MECOM: variants seen among roughly 807,000 people sequenced by gnomAD.
MECOM encodes MDS1 and EVI1 complex locus, also known as histone-lysine N-methyltransferase MECOM.
Under a neutral mutation model 116.3 loss-of-function variants are expected in MECOM, and 13 were observed. The observed-to-expected ratio is 0.11, with a 90% CI of 0.07 to 0.18. The LOEUF (loss-of-function observed/expected upper bound fraction) is 0.18. Among genes scored for constraint, MECOM ranks in the 10% least tolerant of loss-of-function variants. The probability of loss-of-function intolerance (pLI) is 1.00; values close to 1 mark genes in which losing one functional copy is unlikely to be tolerated. For missense variants in MECOM, 1,299 were observed against 1,509.0 expected (o/e 0.86, Z 2.31); for synonymous variants, 528 against 535.2 (o/e 0.99, Z 0.19).
chr3:169,575,216 G>A (rs762727582), intron 1 of MECOM, among the ~76,000 whole-genome samples: 5 of 152,054 alleles, frequency 3.3e-5, no homozygotes, highest in South Asian at 2.1e-4. Flanking sequence ...AGAAAGCTTC[G>A]CCTTAAATAT....
intron 3 of MECOM, among the ~76,000 whole-genome samples, chr3:169,140,607 G>A (rs889255897): frequency 5.3e-5 from 8 of 151,662 alleles, no homozygotes; most frequent in Middle Eastern, 3.2e-3. Context: ...TGAAAGAGAC[G>A]TCTAAAATCA....
intron 2 of MECOM, among the ~76,000 whole-genome samples, chr3:169,336,783 A>T (rs1723643961): frequency 6.6e-6 from 1 of 152,152 alleles, no homozygotes; most frequent in Admixed American, 6.6e-5. Context: ...ATCAAGCATT[A>T]CCACTAGAAT....
At chr3:169,563,499 A>T (rs964222380) in intron 1 of MECOM, among the ~76,000 whole-genome samples, 1 of 152,180 alleles carries the variant, frequency 6.6e-6, no homozygotes, top group Non-Finnish European at 1.5e-5. Context: ...AAGCCCAACC[A>T]GCCTGAAATG....
intron 1 of MECOM, among the ~76,000 whole-genome samples, chr3:169,511,861 T>C (rs1756012213): frequency 6.6e-6 from 1 of 152,206 alleles, no homozygotes; most frequent in Non-Finnish European, 1.5e-5. Flanking sequence ...ATTTCTATAA[T>C]TTCCCCCATC....
At chr3:169,479,893 C>CA (rs1751034484) in intron 1 of MECOM, among the ~76,000 whole-genome samples, 1 of 152,172 alleles carries the variant, frequency 6.6e-6, no homozygotes, top group African/African-American at 2.4e-5. Flanking sequence ...TTAATACTCA[C>CA]AAAAATGTTA....
At chr3:169,307,633 A>G (rs1166469602) in intron 2 of MECOM, among the ~76,000 whole-genome samples, 2 of 152,230 alleles carry the variant, frequency 1.3e-5, no homozygotes, top group Non-Finnish European at 2.9e-5. Context: ...TTATAAGTGT[A>G]AATGGCCTCC....
intron 2 of MECOM, among the ~76,000 whole-genome samples, chr3:169,327,121 A>G (rs757299073): frequency 2.6e-5 from 4 of 152,232 alleles, no homozygotes; most frequent in Non-Finnish European, 4.4e-5. Flanking sequence ...AAGGCTTGCC[A>G]AATAGCCACA....
chr3:169,620,455 T>C (rs1188268834), intron 1 of MECOM, among the ~76,000 whole-genome samples: 2 of 152,236 alleles, frequency 1.3e-5, no homozygotes, highest in Non-Finnish European at 2.9e-5. Context: ...TGCTCTTTCA[T>C]TTTAGTCATC....
chr3:169,288,128 G>T (rs574885201), intron 2 of MECOM, among the ~76,000 whole-genome samples: 4 of 151,512 alleles, frequency 2.6e-5, no homozygotes, highest in Non-Finnish European at 4.4e-5. Flanking sequence ...TGGGTTCAGA[G>T]AATACAAATG....
At chr3:169,221,735 A>G (rs1033453591) in intron 2 of MECOM, among the ~76,000 whole-genome samples, 1 of 152,158 alleles carries the variant, frequency 6.6e-6, no homozygotes, top group Non-Finnish European at 1.5e-5. Flanking sequence ...AATAGAAAAA[A>G]AATCACTTAA....
At position 169,437,706 on chromosome 3, in the gene MECOM, G is replaced by A. The variant is rs544885049; in HGVS notation, c.38-56182C>T. On this transcript the variant is annotated intron_variant, in intron 1 of 16. Coordinates refer to ENST00000651503, the MANE Select transcript of MECOM (RefSeq NM_004991.4). Reference sequence around the variant, plus strand: ...GAAAAGCGTAGATTTATAGAGAAACGTGTTTTCATATGGCATTTTTCCTTC... The same window carrying A: ...GAAAAGCGTAGATTTATAGAGAAACATGTTTTCATATGGCATTTTTCCTTC... Among the ~76,000 whole-genome samples the A allele has an allele frequency of 7.2e-5, 11 of 152,284 alleles. No individual in the cohort carries two copies. In the South Asian group the frequency reaches 2.3e-3, roughly 32 times the overall value.
Position 169,663,687 on chromosome 3 carries a change from G to A in MECOM, c.-315C>T, listed in dbSNP as rs1776634446. On this transcript the variant is annotated 5_prime_UTR_variant, in exon 1 of 17. Transcript: ENST00000651503. ...AGTTTGGACACCTTCGCACATGCGCGCTAGACGCCCCTCCAACATCTCAGC... is the reference window on the plus strand; with the variant it reads ...AGTTTGGACACCTTCGCACATGCGCACTAGACGCCCCTCCAACATCTCAGC... The A allele has an allele frequency of 1.1e-5, 4 of 370,462 alleles. No homozygotes were observed. The highest frequency in any genetic ancestry group is 4.2e-5 in the African/African-American group (2 of 48,150). The allele number at this position is 370,462 out of a possible 1,614,324, so 22.9% of individuals were successfully genotyped here.
At chr3:169,567,983 G>A (rs1055536679) in intron 1 of MECOM, among the ~76,000 whole-genome samples, 2 of 152,166 alleles carry the variant, frequency 1.3e-5, no homozygotes, top group African/African-American at 4.8e-5. Flanking sequence ...GATCAATGCA[G>A]AAGGCAGGTG....
intron 2 of MECOM, among the ~76,000 whole-genome samples, chr3:169,359,339 C>T (rs1727813581): frequency 6.6e-6 from 1 of 151,736 alleles, no homozygotes; most frequent in South Asian, 2.1e-4. Flanking sequence ...CATAACAGAT[C>T]TGTGGAGCAG....
intron 1 of MECOM, among the ~76,000 whole-genome samples, chr3:169,613,994 T>C (rs987391146): frequency 1.1e-4 from 17 of 152,206 alleles, no homozygotes; most frequent in Non-Finnish European, 2.1e-4. Context: ...CTTGTTATTT[T>C]CTCATTAATA....
intron 2 of MECOM, among the ~76,000 whole-genome samples, chr3:169,275,120 GT>G (rs1287431981): frequency 6.6e-6 from 1 of 152,176 alleles, no homozygotes; most frequent in East Asian, 1.9e-4. Context: ...ATGTGTGTGT[GT>G]GTGTTTCCCC....
chr3:169,180,669 CT>C (rs947223754), intron 2 of MECOM, among the ~76,000 whole-genome samples: 2 of 151,284 alleles, frequency 1.3e-5, no homozygotes, highest in African/African-American at 4.8e-5. Flanking sequence ...GCTTCTTCAC[CT>C]TCTTTCCTTC....
At chr3:169,650,928 T>C (rs1774822210) in intron 1 of MECOM, among the ~76,000 whole-genome samples, 1 of 152,138 alleles carries the variant, frequency 6.6e-6, no homozygotes, top group African/African-American at 2.4e-5. Flanking sequence ...TTAAAAAGAA[T>C]GGTTTAGATT....
At chr3:169,651,766 C>G (rs189350295) in intron 1 of MECOM, among the ~76,000 whole-genome samples, 50 of 151,888 alleles carry the variant, frequency 3.3e-4, no homozygotes, top group African/African-American at 1.1e-3. Flanking sequence ...TCACTAGTAC[C>G]CCAGTAACCT....
Sources: gnomAD v4.1 joint callset for allele counts (sites outside exome capture counted in the v4.1 genomes callset) on GRCh38, gnomAD v4.1.1 for gene constraint, MANE v1.5 for transcripts, NCBI Gene and HGNC (gene_info 2026-07-23, HGNC 2026-07-21) for gene names.